The following VPS8 variants were observed in gnomAD, a reference collection of about 807,000 sequenced individuals.
VPS8 encodes VPS8 subunit of CORVET complex, also known as vacuolar protein sorting-associated protein 8 homolog.
A neutral mutation model predicts 216.4 loss-of-function variants in VPS8; 129 were observed. The observed-to-expected ratio is 0.60, with a 90% CI of 0.52 to 0.69. The LOEUF (loss-of-function observed/expected upper bound fraction) is 0.69, where lower values mean the gene tolerates loss of function less well. Among genes scored for constraint, VPS8 ranks in the 30% least tolerant of loss-of-function variants. The pLI is 0.00. For missense variants in VPS8, 1,531 were observed against 1,683.5 expected (o/e 0.91, Z 1.59); for synonymous variants, 571 against 565.4 (o/e 1.01, Z -0.14).
At chr3:185,009,913 G>A (rs1341031664) in intron 45 of VPS8, among the ~76,000 whole-genome samples, 1 of 148,334 alleles carries the variant, frequency 6.7e-6, no homozygotes, top group Non-Finnish European at 1.5e-5. Context: ...ATCTGCAGAA[G>A]GTAACTTTTG....
chr3:184,920,210 A>G lies in VPS8; in HGVS notation c.2454+12A>G. On this transcript the variant is annotated intron_variant, in intron 29 of 47. Transcript: ENST00000625842. ...ATATTTTGTTGAAAGTAAGTATTCA[A>G]AGAATACATGTCTTTATATTGATAT... The G allele has an allele frequency of 6.7e-7, 1 of 1,488,638 alleles. No homozygotes were observed. Among genetic ancestry groups the G allele is most frequent in the Non-Finnish European group, 9.0e-7 (1 of 1,106,650 alleles). The allele number at this position is 1,488,638 out of a possible 1,614,324, so 92.2% of individuals were successfully genotyped here.
chr3:185,003,435 A>C lies in VPS8; in HGVS notation c.4002+3574A>C, dbSNP rs545157337. Among the ~76,000 whole-genome samples, 11 of 144,554 alleles carry C rather than the reference A, an allele frequency of 7.6e-5. No individual in the cohort carries two copies. In the East Asian group the frequency reaches 2.2e-3, roughly 29 times the overall value. The allele number at this position is 144,554 out of a possible 152,430, so 94.8% of individuals were successfully genotyped here. A position where few individuals can be genotyped will look rare whatever the true frequency, so the allele number is the denominator to read the frequency against. Reference sequence around the variant, plus strand: ...CCTTAATCCATTTAACCCTGAGTGGACACAGCACATGTTTCAGAGAGCACA... The same window carrying C: ...CCTTAATCCATTTAACCCTGAGTGGCCACAGCACATGTTTCAGAGAGCACA... On this transcript the variant is annotated intron_variant, in intron 45 of 47. Coordinates refer to ENST00000625842, the MANE Select transcript of VPS8 (RefSeq NM_001009921.3).
intron 40 of VPS8, among the ~76,000 whole-genome samples, chr3:184,978,059 G>A (rs1311302131): frequency 6.6e-6 from 1 of 151,508 alleles, no homozygotes; most frequent in Non-Finnish European, 1.5e-5. Flanking sequence ...AATCCATCTG[G>A]TCCTGGCCTT....
At chr3:184,856,634 C>T (rs1029076457) in intron 14 of VPS8, among the ~76,000 whole-genome samples, 1 of 152,186 alleles carries the variant, frequency 6.6e-6, no homozygotes, top group African/African-American at 2.4e-5. Context: ...CCAAAAATCT[C>T]TTGAATTTCT....
chr3:184,958,046 A>G (rs1350655135), intron 37 of VPS8, among the ~76,000 whole-genome samples: 1 of 152,124 alleles, frequency 6.6e-6, no homozygotes, highest in East Asian at 1.9e-4. Context: ...AATCCTCAAT[A>G]TTTGGGGGAA....
intron 45 of VPS8, among the ~76,000 whole-genome samples, chr3:185,008,987 G>C (rs1577141161): frequency 1.3e-5 from 2 of 152,338 alleles, no homozygotes; most frequent in East Asian, 3.9e-4. Context: ...TCGGTCAAGA[G>C]TTTGGTTTTT....
chr3:185,019,680 T>C (rs1756366929), intron 45 of VPS8, among the ~76,000 whole-genome samples: 1 of 152,232 alleles, frequency 6.6e-6, no homozygotes, highest in Non-Finnish European at 1.5e-5. Context: ...GCCCTCATTC[T>C]GGTAAACCCA....
chr3:184,835,871 A>G (rs1292182364), intron 5 of VPS8, among the ~76,000 whole-genome samples: 1 of 151,842 alleles, frequency 6.6e-6, no homozygotes, highest in Non-Finnish European at 1.5e-5. Flanking sequence ...CACCATGCCC[A>G]GCTAATTTTT....
chr3:184,854,633 G>T (rs1396017356), intron 13 of VPS8, among the ~76,000 whole-genome samples: 1 of 152,166 alleles, frequency 6.6e-6, no homozygotes, highest in Non-Finnish European at 1.5e-5. Flanking sequence ...TTCAGTGTTT[G>T]AAAGATACTT....
At chr3:184,878,188 G>C (rs1729615718) in intron 21 of VPS8, among the ~76,000 whole-genome samples, 1 of 151,456 alleles carries the variant, frequency 6.6e-6, no homozygotes, top group Non-Finnish European at 1.5e-5. Flanking sequence ...TCGGCTCACT[G>C]CAACCTCTGC....
chr3:184,942,057 T>C (rs185778468), intron 36 of VPS8, among the ~76,000 whole-genome samples: 7 of 152,248 alleles, frequency 4.6e-5, no homozygotes, highest in Non-Finnish European at 7.4e-5. Context: ...TGCTCTAAAC[T>C]TTTTGAATTT....
At chr3:184,869,658 C>G in intron 20 of VPS8, 130 bp downstream of exon 20, 1 of 809,576 alleles carries the variant, frequency 1.2e-6, no homozygotes, top group Non-Finnish European at 1.9e-6. Flanking sequence ...CACACACACA[C>G]ACAGACACAC....
At chr3:184,864,588 G>C (rs1170654289) in intron 16 of VPS8, among the ~76,000 whole-genome samples, 1 of 152,162 alleles carries the variant, frequency 6.6e-6, no homozygotes, top group East Asian at 1.9e-4. Flanking sequence ...AGAATGGAAA[G>C]CTTCATGATT....
intron 21 of VPS8, among the ~76,000 whole-genome samples, chr3:184,881,410 T>G (rs1578049829): frequency 1.3e-5 from 2 of 152,284 alleles, no homozygotes; most frequent in East Asian, 3.9e-4. Flanking sequence ...AATACTTTCC[T>G]TCTTTCCTCC....
At chr3:184,899,007 T>G (rs1734006604) in intron 24 of VPS8, among the ~76,000 whole-genome samples, 1 of 152,198 alleles carries the variant, frequency 6.6e-6, no homozygotes, top group Admixed American at 6.5e-5. Flanking sequence ...TATAATTATT[T>G]TATATAATCA....
Position 184,839,751 on chromosome 3 carries a change from T to C in VPS8, c.534T>C (p.Phe178=), listed in dbSNP as rs776324564. ...CATCTCATGGATTGGCTTTAATATTTGGTAAATTTTTAAGTGCTTTCCTGC... is the reference window on the plus strand; with the variant it reads ...CATCTCATGGATTGGCTTTAATATTCGGTAAATTTTTAAGTGCTTTCCTGC... ...VGTSHGLALI[F]GKDQNQALRL... Residue 178 remains phenylalanine, a splice_region_variant and synonymous_variant, in exon 7 of 48, where the codon TTT becomes TTC. Transcript: ENST00000625842. 6.3e-7 allele frequency: 1 copy of C among 1,597,590 alleles called. No individual in the cohort carries two copies. Among genetic ancestry groups the C allele is most frequent in the Non-Finnish European group, 8.5e-7 (1 of 1,170,862 alleles).
chr3:184,833,887 A>G (rs983483681), intron 4 of VPS8, among the ~76,000 whole-genome samples: 1 of 152,222 alleles, frequency 6.6e-6, no homozygotes, highest in Non-Finnish European at 1.5e-5. Context: ...CACTTAATTC[A>G]TATCTCTAAT....
intron 47 of VPS8, among the ~76,000 whole-genome samples, chr3:185,049,842 A>G (rs1394498289): frequency 1.3e-5 from 2 of 152,114 alleles, no homozygotes; most frequent in African/African-American, 4.8e-5. Flanking sequence ...AGCCGGAGGA[A>G]AGAGTGGTGC....
intron 39 of VPS8, among the ~76,000 whole-genome samples, chr3:184,971,062 A>G (rs1405659567): frequency 6.6e-6 from 1 of 152,212 alleles, no homozygotes; most frequent in African/African-American, 2.4e-5. Context: ...GAAATGAGAA[A>G]AATAAGTTGG....
Sources: gnomAD v4.1 joint callset for allele counts (sites outside exome capture counted in the v4.1 genomes callset) on GRCh38, gnomAD v4.1.1 for gene constraint, MANE v1.5 for transcripts, NCBI Gene and HGNC (gene_info 2026-07-23, HGNC 2026-07-21) for gene names.